GNAL: variants seen among roughly 807,000 people sequenced by gnomAD.
The protein encoded by GNAL is guanine nucleotide-binding protein G(olf) subunit alpha.
GNAL carries 18 observed loss-of-function variants against 55.1 expected under a neutral mutation model. The ratio of observed to expected loss-of-function variants is 0.33; its 90% CI spans 0.23 to 0.48. The LOEUF (loss-of-function observed/expected upper bound fraction) is 0.48, where lower values mean the gene tolerates loss of function less well. GNAL is among the 20% of genes least tolerant of loss of function. The probability of loss-of-function intolerance (pLI) is 0.99; values close to 1 mark genes in which losing one functional copy is unlikely to be tolerated. For synonymous variants in GNAL, 253 were observed against 237.0 expected (o/e 1.07, Z -0.62); for missense variants, 412 against 614.1 (o/e 0.67, Z 3.48).
intron 1 of GNAL, among the ~76,000 whole-genome samples, chr18:11,711,938 G>A (rs1474601311): frequency 6.6e-6 from 1 of 152,190 alleles, no homozygotes. Context: ...TGTCTTCCCT[G>A]GACTTGTGCA....
At chr18:11,690,837 A>T (rs1193634313) in intron 1 of GNAL, among the ~76,000 whole-genome samples, 1 of 151,322 alleles carries the variant, frequency 6.6e-6, no homozygotes, top group African/African-American at 2.4e-5. Flanking sequence ...TATGTGCCAC[A>T]TTTTCTTAAT....
At chr18:11,797,977 T>C (rs2034434027) in intron 4 of GNAL, among the ~76,000 whole-genome samples, 2 of 152,308 alleles carry the variant, frequency 1.3e-5, no homozygotes, top group South Asian at 4.1e-4. Flanking sequence ...TTATGAACAT[T>C]ATAACTTAAA....
chr18:11,710,567 T>A (rs941688471), intron 1 of GNAL, among the ~76,000 whole-genome samples: 8 of 152,206 alleles, frequency 5.3e-5, no homozygotes, highest in Non-Finnish European at 1.2e-4. Context: ...CTCCTTAGCA[T>A]TTCTTGTATG....
intron 4 of GNAL, among the ~76,000 whole-genome samples, chr18:11,756,835 G>A (rs1268346173): frequency 6.6e-6 from 1 of 151,992 alleles, no homozygotes; most frequent in East Asian, 1.9e-4. Context: ...CATACAAGTA[G>A]AGCTAAATCA....
intron 10 of GNAL, among the ~76,000 whole-genome samples, chr18:11,872,930 A>G (rs936331674): frequency 6.6e-6 from 1 of 152,208 alleles, no homozygotes; most frequent in Non-Finnish European, 1.5e-5. Flanking sequence ...TCCTGTCTCT[A>G]GCCTTGCTGT....
chr18:11,720,399 A>T (rs981927903), intron 1 of GNAL, among the ~76,000 whole-genome samples: 3 of 152,246 alleles, frequency 2.0e-5, no homozygotes, highest in African/African-American at 4.8e-5. Flanking sequence ...CACTAAATTA[A>T]TGTTCAAAGT....
chr18:11,689,729 G>A lies in GNAL; in HGVS notation c.166G>A (p.Gly56Ser), dbSNP rs1286800681. 4 of 1,500,020 alleles carry A rather than the reference G, an allele frequency of 2.7e-6. No homozygotes were observed. The highest frequency in any genetic ancestry group is 4.3e-5 in the Admixed American group (2 of 46,472). The allele number at this position is 1,500,020 out of a possible 1,614,324, so 92.9% of individuals were successfully genotyped here. A position where few individuals can be genotyped will look rare whatever the true frequency, so the allele number is the denominator to read the frequency against. Residue 56 changes from glycine to serine, a missense_variant, in exon 1 of 12, where the codon GGC becomes AGC. This residue lies in a region of GNAL where 228 missense variants were observed against 194.8 expected (regional missense o/e 1.17). Transcript: ENST00000334049. The part of the protein sequence containing the change: ...RDTARTLLPR[G>S]GEGSPACARP... ...CACGGCCCGGACCCTGCTCCCTCGG[G>A]GCGGCGAAGGGAGCCCGGCATGCGC...
chr18:11,772,624 C>T (rs1050040848), intron 4 of GNAL, among the ~76,000 whole-genome samples: 2 of 152,262 alleles, frequency 1.3e-5, no homozygotes, highest in East Asian at 1.9e-4. Context: ...AGGGCATTAG[C>T]GCAACTCTCT....
intron 4 of GNAL, among the ~76,000 whole-genome samples, chr18:11,788,897 G>GGAAAAAAAAAAAAAA (rs1385387064): frequency 3.6e-5 from 3 of 82,516 alleles, no homozygotes; most frequent in African/African-American, 2.3e-4. Context: ...ACTCCGTCTC[G>GGAAAAAAAAAAAAAA]AAAAAAAAAA....
At chr18:11,753,041 A>AG (rs1331790062) in intron 2 of GNAL, 116 bp downstream of exon 2, 1 of 598,562 alleles carries the variant, frequency 1.7e-6, no homozygotes, top group Non-Finnish European at 3.0e-6. Context: ...TAGACATTCA[A>AG]GGGGGAAAAA....
intron 4 of GNAL, among the ~76,000 whole-genome samples, chr18:11,801,683 T>C (rs1162991973): frequency 6.6e-6 from 1 of 151,868 alleles, no homozygotes; most frequent in African/African-American, 2.4e-5. Context: ...ATCATGGAAG[T>C]AGTGAGATTC....
Position 11,881,232 on chromosome 18 carries a change from C to T in GNAL, c.*97C>T. Reference sequence around the variant, plus strand: ...AGGCAGAGTCTCTAGTTCCATCTCGCTGCCGTCTGTCCCGTTCTGTGTCGA... The same window carrying T: ...AGGCAGAGTCTCTAGTTCCATCTCGTTGCCGTCTGTCCCGTTCTGTGTCGA... On this transcript the variant is annotated 3_prime_UTR_variant, in exon 12 of 12. Coordinates refer to ENST00000334049, the MANE Select transcript of GNAL (RefSeq NM_182978.4). The surrounding 1 kb of genome is among the most constrained non-coding windows in gnomAD (Gnocchi z 4.8). 1.6e-6 allele frequency: 2 copies of T among 1,242,120 alleles called. No homozygotes were observed. The highest frequency in any genetic ancestry group is 2.2e-6 in the Non-Finnish European group (2 of 896,562). The allele number at this position is 1,242,120 out of a possible 1,614,324, so 76.9% of individuals were successfully genotyped here.
At chr18:11,717,797 T>A (rs2032008885) in intron 1 of GNAL, among the ~76,000 whole-genome samples, 1 of 151,998 alleles carries the variant, frequency 6.6e-6, no homozygotes, top group African/African-American at 2.4e-5. Flanking sequence ...TTTCAGAGGG[T>A]GGAGGTTGGG....
At chr18:11,851,436 G>A (rs1045230288) in intron 5 of GNAL, 5 of 1,443,616 alleles carry the variant, frequency 3.5e-6, no homozygotes, top group East Asian at 2.5e-5. Flanking sequence ...CGGCGGCCGG[G>A]AGCGGACTTA....
At chr18:11,775,973 T>C (rs1307148178) in intron 4 of GNAL, among the ~76,000 whole-genome samples, 2 of 152,254 alleles carry the variant, frequency 1.3e-5, no homozygotes, top group Admixed American at 1.3e-4. Flanking sequence ...TTTGCTCACC[T>C]AGCGTTTAAC....
At chr18:11,873,668 T>G (rs1464910880) in intron 10 of GNAL, among the ~76,000 whole-genome samples, 1 of 152,254 alleles carries the variant, frequency 6.6e-6, no homozygotes, top group Non-Finnish European at 1.5e-5. Flanking sequence ...CGCAGCCTGA[T>G]GATGTGCTTT....
chr18:11,752,555 C>T lies in GNAL; in HGVS notation c.377-298C>T. The stretch of plus-strand genomic sequence containing the variant: ...CAGAAAGAGCGCCTGGCTTACAAGG[C>T]TACCCACCGCCTGCTGCTCCTGGGT... On this transcript the variant is annotated intron_variant, in intron 1 of 11. Transcript: ENST00000334049. This position sits in a 1 kb window ranked among gnomAD's most constrained non-coding sequence, Gnocchi z 4.5. 6.2e-7 allele frequency: 1 copy of T among 1,611,316 alleles called. No homozygotes were observed. Among genetic ancestry groups the T allele is most frequent in the Non-Finnish European group, 8.5e-7 (1 of 1,179,006 alleles).
intron 1 of GNAL, among the ~76,000 whole-genome samples, chr18:11,734,980 G>A (rs981033415): frequency 1.4e-5 from 2 of 147,806 alleles, no homozygotes; most frequent in African/African-American, 5.0e-5. Context: ...GCTGGACTCA[G>A]GTGGGCACAG....
intron 4 of GNAL, among the ~76,000 whole-genome samples, chr18:11,787,663 A>G (rs897007801): frequency 1.3e-5 from 2 of 152,232 alleles, no homozygotes; most frequent in Non-Finnish European, 2.9e-5. Context: ...TCACGAGGTC[A>G]GGAGATCGAG....
Sources: allele counts gnomAD v4.1 joint callset (sites outside exome capture counted in the v4.1 genomes callset), GRCh38; gene constraint gnomAD v4.1.1; regional missense constraint gnomAD v4.1.1; non-coding constraint Gnocchi (gnomAD v3.1); transcripts MANE v1.5; gene names NCBI Gene and HGNC (gene_info 2026-07-23, HGNC 2026-07-21).